The following CEBPZ variants were observed in gnomAD, a reference collection of about 807,000 sequenced individuals.
The protein encoded by CEBPZ is CCAAT enhancer binding protein zeta, also known as CCAAT/enhancer-binding protein zeta.
CEBPZ carries 78 observed loss-of-function variants against 104.5 expected under a neutral mutation model. That is an observed-to-expected ratio of 0.75 (90% confidence interval 0.62 to 0.90). The LOEUF (loss-of-function observed/expected upper bound fraction) is 0.90, where lower values mean the gene tolerates loss of function less well. Ranked by LOEUF, CEBPZ falls within the 40% of genes least tolerant of loss-of-function variation. The probability of loss-of-function intolerance (pLI) is 0.00; values close to 1 mark genes in which losing one functional copy is unlikely to be tolerated. For synonymous variants in CEBPZ, 470 were observed against 427.0 expected (o/e 1.10, Z -1.24); for missense variants, 1,439 against 1,233.5 (o/e 1.17, Z -2.50).
At chr2:37,224,395 C>A (rs1664835985) in intron 2 of CEBPZ, among the ~76,000 whole-genome samples, 1 of 152,200 alleles carries the variant, frequency 6.6e-6, no homozygotes, top group South Asian at 2.1e-4. Context: ...ATCATTACTT[C>A]CTTTGTTTTA....
intron 13 of CEBPZ, chr2:37,204,847 A>C (rs937401696): frequency 2.1e-4 from 32 of 152,206 alleles, no homozygotes; most frequent in Non-Finnish European, 2.9e-5. Context: ...ATGTCTTCTG[A>C]AACAGTACTT....
At chr2:37,212,887 A>C (rs1420612194) in intron 10 of CEBPZ, among the ~76,000 whole-genome samples, 3 of 151,442 alleles carry the variant, frequency 2.0e-5, no homozygotes, top group Non-Finnish European at 4.4e-5. Context: ...AACAAAAAAA[A>C]AACGAGCCGG....
rs770116019 is a variant in CEBPZ, at chr2:37,228,715, T to C, written c.478A>G (p.Lys160Glu). Reference sequence around the variant, plus strand: ...TCAAAGATGTTCTGTTTATCTTTCTTTACTTTCGGTGTGGTACTGCCATTC... The same window carrying C: ...TCAAAGATGTTCTGTTTATCTTTCTCTACTTTCGGTGTGGTACTGCCATTC... ...DENGSTTPKV[K>E]KDKQNIFEFF... The change falls in exon 2 of 16, where the codon AAG becomes GAG. Residue 160 changes from lysine to glutamate, a missense_variant. Coordinates refer to ENST00000234170, the MANE Select transcript of CEBPZ (RefSeq NM_005760.3). 1.9e-6 allele frequency: 3 copies of C among 1,614,232 alleles called. No individual in the cohort carries two copies. The highest frequency in any genetic ancestry group is 2.5e-6 in the Non-Finnish European group (3 of 1,180,036).
chr2:37,217,098 G>T (rs368330169), intron 5 of CEBPZ, 61 bp from the exon 6 acceptor site: 30 of 1,414,818 alleles, frequency 2.1e-5, no homozygotes, highest in Non-Finnish European at 3.0e-5. Flanking sequence ...TACATTTATA[G>T]CTTATTTAAG....
At chr2:37,210,750 TC>T (rs747437835) in intron 13 of CEBPZ, 1 of 378,788 alleles carries the variant, frequency 2.6e-6, no homozygotes, top group Non-Finnish European at 4.8e-6. Context: ...CCCTACCTGT[TC>T]CCCAAAAACA....
At chr2:37,215,191 G>A in intron 8 of CEBPZ, 1 of 201,458 alleles carries the variant, frequency 5.0e-6, no homozygotes, top group Non-Finnish European at 8.2e-6. Context: ...ATAGCTGTCA[G>A]TGCCGTTACA....
Position 37,228,159 on chromosome 2 carries a change from T to C in CEBPZ, c.1034A>G (p.Glu345Gly), listed in dbSNP as rs780219957. ...TAAAGTTTCTAAGACCTGCACAAAT[T>C]CAGCCACTAAGTGTTTCAGCTGGTG... ...FEHQLKHLVA[E>G]FVQVLETLSH... The change falls in exon 2 of 16, where the codon GAA becomes GGA. Residue 345 changes from glutamate to glycine, a missense_variant. Physicochemically the swap from Glu to Gly is moderately conservative, Grantham distance 98. Coordinates refer to ENST00000234170, the MANE Select transcript of CEBPZ (RefSeq NM_005760.3). The C allele has an allele frequency of 4.3e-5, 70 of 1,614,098 alleles. No homozygotes were observed. The highest frequency in any genetic ancestry group is 8.3e-5 in the Admixed American group (5 of 60,010).
At chr2:37,215,487 T>C (rs1410334838) in intron 8 of CEBPZ, 1 of 152,340 alleles carries the variant, frequency 6.6e-6, no homozygotes, top group Non-Finnish European at 1.5e-5. Context: ...TAAAAGGAGA[T>C]TTGGCTTTTA....
At chr2:37,218,204 T>C (rs544933072) in intron 5 of CEBPZ, among the ~76,000 whole-genome samples, 10 of 151,838 alleles carry the variant, frequency 6.6e-5, no homozygotes, top group Non-Finnish European at 1.3e-4. Flanking sequence ...GAGGCGGAGC[T>C]TGCAGTGAGC....
At chr2:37,210,516 C>G (rs1677686117) in intron 13 of CEBPZ, 1 of 138,956 alleles carries the variant, frequency 7.2e-6, no homozygotes, top group South Asian at 2.2e-4. Flanking sequence ...CGAAGTAATT[C>G]AGGAATGGAA....
intron 3 of CEBPZ, 113 bp from the exon 4 acceptor site, chr2:37,222,676 A>T (rs541401957): frequency 4.4e-6 from 3 of 675,154 alleles, no homozygotes; most frequent in Admixed American, 7.1e-5. Flanking sequence ...GTGAAACGTG[A>T]AAGTTCTAAT....
At position 37,227,837 on chromosome 2, in the gene CEBPZ, A is replaced by C. The variant is rs753602089; in HGVS notation, c.1356T>G (p.His452Gln). ...ATTTGTTAGCCAATTCACTTTCTTCATGGGACAGAGCCATTTGATTTAAAA... is the reference window on the plus strand; with the variant it reads ...ATTTGTTAGCCAATTCACTTTCTTCCTGGGACAGAGCCATTTGATTTAAAA... ...ICFLNQMALS[H>Q]EESELANKLI... is the part of the protein sequence containing the mutation. Residue 452 changes from histidine to glutamine, a missense_variant, in exon 2 of 16, where the codon CAT (histidine) becomes CAG (glutamine). Physicochemically the swap from His to Gln is conservative, Grantham distance 24 (BLOSUM62 0). Coordinates refer to ENST00000234170, the MANE Select transcript of CEBPZ (RefSeq NM_005760.3). 3 of 1,614,100 alleles carry C rather than the reference A, an allele frequency of 1.9e-6. No homozygotes were observed.
intron 5 of CEBPZ, among the ~76,000 whole-genome samples, chr2:37,217,989 C>G (rs1664672048): frequency 6.6e-6 from 1 of 151,502 alleles, no homozygotes; most frequent in South Asian, 2.1e-4. Flanking sequence ...ATTATGCAGC[C>G]AGGCGAGGTG....
chr2:37,222,594 T>C (rs778443509), intron 3 of CEBPZ, 31 bp from the exon 4 acceptor site: 3 of 1,481,254 alleles, frequency 2.0e-6, no homozygotes, highest in Non-Finnish European at 1.8e-6. Flanking sequence ...TAAATCTACA[T>C]AAATCAACTG....
intron 9 of CEBPZ, 56 bp from the exon 10 acceptor site, chr2:37,214,017 A>G: frequency 3.1e-6 from 3 of 960,620 alleles, no homozygotes; most frequent in East Asian, 6.1e-5. Context: ...ATCTTACTAT[A>G]TATCATCAAA....
intron 5 of CEBPZ, among the ~76,000 whole-genome samples, chr2:37,220,041 G>A (rs1459638848): frequency 4.6e-5 from 7 of 152,082 alleles, no homozygotes; most frequent in South Asian, 2.1e-4. Flanking sequence ...AGCATAGGCC[G>A]GGCGCAGTGG....
intron 4 of CEBPZ, 134 bp from the exon 5 acceptor site, chr2:37,220,607 ACT>A: frequency 2.3e-6 from 1 of 433,116 alleles, no homozygotes. Context: ...TAGATTAAAA[ACT>A]CTGAGCTCCC....
At chr2:37,206,216 A>C (rs1399063246) in intron 13 of CEBPZ, among the ~76,000 whole-genome samples, 1 of 152,238 alleles carries the variant, frequency 6.6e-6, no homozygotes, top group African/African-American at 2.4e-5. Context: ...TGGACAGAAC[A>C]GCGTGTGGCA....
At chr2:37,214,012 A>G in intron 9 of CEBPZ, 51 bp from the exon 10 acceptor site, 1 of 998,848 alleles carries the variant, frequency 1.0e-6, no homozygotes. Flanking sequence ...GTCTAATCTT[A>G]CTATATATCA....
Sources: allele counts gnomAD v4.1 joint callset (sites outside exome capture counted in the v4.1 genomes callset), GRCh38; gene constraint gnomAD v4.1.1; transcripts MANE v1.5; gene names NCBI Gene and HGNC (gene_info 2026-07-23, HGNC 2026-07-21).